GAK: variants seen among roughly 807,000 people sequenced by gnomAD.
GAK encodes the protein cyclin-G-associated kinase.
A neutral mutation model predicts 143.9 loss-of-function variants in GAK; 79 were observed. That is an observed-to-expected ratio of 0.55 (90% confidence interval 0.46 to 0.66). The LOEUF (loss-of-function observed/expected upper bound fraction) is 0.66, where lower values mean the gene tolerates loss of function less well. GAK is among the 30% of genes least tolerant of loss of function. The pLI is 0.00. For missense variants in GAK, 1,693 were observed against 1,779.7 expected (o/e 0.95, Z 0.88); for synonymous variants, 881 against 765.5 (o/e 1.15, Z -2.49).
At position 893,382 on chromosome 4, in the gene GAK, T is replaced by C. The variant is rs1335709215; in HGVS notation, c.985A>G (p.Thr329Ala). The change falls in exon 9 of 28, where the codon ACA (threonine) becomes GCA (alanine). Residue 329 changes from threonine (T) to alanine (A), a missense_variant. This residue lies in a region of GAK where 871 missense variants were observed against 991.0 expected (regional missense o/e 0.88). Transcript: ENST00000314167. ...CTCACGTGTGCCTCCCTCACCTCTG[T>C]GATGGGAGACTTGGGGTTCACGTTG... ...ARNVNPKSPI[T>A]ELLEQNGGYG... 2.8e-5 allele frequency: 44 copies of C among 1,572,276 alleles called. No individual in the cohort carries two copies. Among genetic ancestry groups the C allele is most frequent in the Non-Finnish European group, 3.8e-5 (44 of 1,158,080 alleles).
At position 877,223 on chromosome 4, in the gene GAK, C is replaced by T; in HGVS notation, c.1857-16G>A. The stretch of plus-strand genomic sequence containing the variant: ...CTTAAAGTCCCTAAGGACAGAATGA[C>T]AAGAGAAAAATTTTAAAAACCCCCA... On this transcript the variant is annotated splice_polypyrimidine_tract_variant and intron_variant, in intron 16 of 27. Coordinates refer to ENST00000314167, the MANE Select transcript of GAK (RefSeq NM_005255.4). 1 of 1,579,164 alleles carries T rather than the reference C, an allele frequency of 6.3e-7. No homozygotes were observed.
rs540133162 is a variant in GAK, at chr4:904,092, A to C, written c.525+545T>G. Among the ~76,000 whole-genome samples, 51 of 152,380 alleles carry C rather than the reference A, an allele frequency of 3.3e-4. 1 individual carries two copies. The highest frequency in any genetic ancestry group is 1.8e-3 in the Admixed American group (28 of 15,306). The stretch of plus-strand genomic sequence containing the variant: ...CATCCTAACTGAGCGGGAGCCCCCC[A>C]CAGAGGCTGTGAACCGCGTGTGGAG... On this transcript the variant is annotated intron_variant, in intron 5 of 27. Coordinates refer to ENST00000314167, the MANE Select transcript of GAK (RefSeq NM_005255.4).
chr4:855,716 C>T (rs1456677925), intron 24 of GAK, among the ~76,000 whole-genome samples: 1 of 152,150 alleles, frequency 6.6e-6, no homozygotes, highest in Non-Finnish European at 1.5e-5. Flanking sequence ...TACCTGTAAT[C>T]CCAGCACTTT....
chr4:856,139 C>A (rs1749079200), intron 24 of GAK, among the ~76,000 whole-genome samples: 1 of 151,958 alleles, frequency 6.6e-6, no homozygotes, highest in Non-Finnish European at 1.5e-5. Flanking sequence ...CACCTGCTCA[C>A]CACAGCTGCT....
Position 851,916 on chromosome 4 carries a change from T to A in GAK, c.3342A>T (p.Lys1114Asn). The change falls in exon 25 of 28, where the codon AAA becomes AAT. Residue 1114 changes from lysine to asparagine, a missense_variant. Around this residue, in one of 2 missense-constraint regions of GAK, gnomAD observed 822 missense variants for 788.7 expected, o/e 1.04. Coordinates refer to ENST00000314167, the MANE Select transcript of GAK (RefSeq NM_005255.4). Reference sequence around the variant, plus strand: ...GACTTGTCTGCCAGGAGCTGCTGCCTTTGGGCGTGGTGGCCGTTTTGGGAA... The same window carrying A: ...GACTTGTCTGCCAGGAGCTGCTGCCATTGGGCGTGGTGGCCGTTTTGGGAA... ...GFIPKTATTP[K>N]GSSSWQTSRP... is the part of the protein sequence containing the mutation. 2.8e-5 allele frequency: 45 copies of A among 1,613,446 alleles called. No homozygotes were observed. The highest frequency in any genetic ancestry group is 3.8e-5 in the Non-Finnish European group (45 of 1,179,540).
rs770323760 is a variant in GAK at position 867,337 on chromosome 4, C to T, written c.2491G>A (p.Glu831Lys). 3 of 1,608,628 alleles carry T rather than the reference C, an allele frequency of 1.9e-6. No homozygotes were observed. The highest frequency in any genetic ancestry group is 1.7e-4 in the Middle Eastern group (1 of 6,036). ...TCGCTGGAGATCGGGGATCCCCCTT[C>T]ATCTGACACCTCACTCTCGTCTCTG... ...EDRDESEVSDEGGSPISSEGQ... is the reference protein window; with the variant it reads ...EDRDESEVSDKGGSPISSEGQ... Residue 831 changes from glutamate to lysine, a missense_variant, in exon 21 of 28, where the codon GAA becomes AAA. Physicochemically the swap from Glu to Lys is moderately conservative, Grantham distance 56. Transcript: ENST00000314167.
At chr4:914,469 C>T (rs1302833474) in intron 1 of GAK, among the ~76,000 whole-genome samples, 1 of 95,440 alleles carries the variant, frequency 1.0e-5, no homozygotes, top group Non-Finnish European at 2.0e-5. Flanking sequence ...CCAGTGTGCA[C>T]GGCCCCACAC....
At chr4:850,552 G>A in intron 26 of GAK, 1 of 192,842 alleles carries the variant, frequency 5.2e-6, no homozygotes, top group Admixed American at 5.4e-5. Flanking sequence ...GTCCTGGGTT[G>A]GGAGGCTCAG....
intron 15 of GAK, among the ~76,000 whole-genome samples, chr4:880,675 C>G (rs1043762161): frequency 5.3e-5 from 8 of 152,184 alleles, no homozygotes; most frequent in Non-Finnish European, 1.2e-4. Context: ...CCACCCCAGA[C>G]AGCACACACA....
intron 1 of GAK, among the ~76,000 whole-genome samples, chr4:923,602 G>C (rs1724229560): frequency 6.6e-6 from 1 of 152,238 alleles, no homozygotes; most frequent in South Asian, 2.1e-4. Flanking sequence ...TTGAGTCCGG[G>C]AGTTCAAGAC....
rs768087661 is a variant in GAK at position 882,013 on chromosome 4, C to T, written c.1555G>A (p.Val519Ile). 8 of 1,606,630 alleles carry T rather than the reference C, an allele frequency of 5.0e-6. No individual in the cohort carries two copies. Among genetic ancestry groups the T allele is most frequent in the Non-Finnish European group, 5.9e-6 (7 of 1,177,066 alleles). Residue 519 changes from valine to isoleucine, a missense_variant, in exon 15 of 28, where the codon GTC becomes ATC. Coordinates refer to ENST00000314167, the MANE Select transcript of GAK (RefSeq NM_005255.4). ...MDGRAASAVA[V>I]CSFLCFCRLF... ...CGGCAGAAGCACAGGAAGGAGCAGA[C>T]GGCCACAGCAGACGCGGCTCTCCCG...
chr4:857,659 C>T (rs1270392117), intron 24 of GAK, among the ~76,000 whole-genome samples: 4 of 152,304 alleles, frequency 2.6e-5, no homozygotes, highest in African/African-American at 9.6e-5. Flanking sequence ...TGCACCATCC[C>T]CCATATCGAT....
intron 11 of GAK, 116 bp downstream of exon 11, chr4:888,730 AG>A: frequency 1.6e-6 from 2 of 1,275,176 alleles, no homozygotes. Flanking sequence ...CCACTGCCTC[AG>A]GGGCCCCTGT....
Position 883,466 on chromosome 4 carries a change from G to A in GAK, c.1256-3C>T, listed in dbSNP as rs201737734. On this transcript the variant is annotated splice_region_variant and splice_polypyrimidine_tract_variant and intron_variant, in intron 12 of 27. Coordinates refer to ENST00000314167, the MANE Select transcript of GAK (RefSeq NM_005255.4). ...ACCTTCTGCTGGGAATGACATCACT[G>A]AAACAAGCAGACCTGCGTCAGCACC... is the stretch of plus-strand genomic sequence containing the variant. 1.2e-6 allele frequency: 2 copies of A among 1,613,170 alleles called. No homozygotes were observed. Among genetic ancestry groups the A allele is most frequent in the East Asian group, 2.2e-5 (1 of 44,866 alleles).
intron 1 of GAK, among the ~76,000 whole-genome samples, chr4:916,324 T>C (rs918094089): frequency 6.6e-6 from 1 of 152,188 alleles, no homozygotes. Flanking sequence ...AGTGGCACTA[T>C]CACAACCCAC....
chr4:912,085 T>C (rs751117401), intron 3 of GAK: 1 of 472,258 alleles, frequency 2.1e-6, no homozygotes, highest in Admixed American at 2.3e-5. Context: ...GGCAGGGCCC[T>C]CAGGGGGCTG....
At position 926,936 on chromosome 4, in the gene GAK, G is replaced by A. The variant is rs1255211749; in HGVS notation, c.145+5107C>T. Among the ~76,000 whole-genome samples, 100 of 31,930 alleles carry A rather than the reference G, an allele frequency of 3.1e-3. 24 individuals are homozygous for A. Among genetic ancestry groups the A allele is most frequent in the South Asian group, 0.015 (5 of 344 alleles). 20.9% of individuals were successfully genotyped at this position (31,930 alleles called of 152,430 possible). A position where few individuals can be genotyped will look rare whatever the true frequency, so the allele number is the denominator to read the frequency against. On this transcript the variant is annotated intron_variant, in intron 1 of 27. Coordinates refer to ENST00000314167, the MANE Select transcript of GAK (RefSeq NM_005255.4). Reference sequence around the variant, plus strand: ...CCCGCACCCCTCCCGGCTCACCAGCGCTCCGCACTGCCCCGCACCCCTCCC... The same window carrying A: ...CCCGCACCCCTCCCGGCTCACCAGCACTCCGCACTGCCCCGCACCCCTCCC...
chr4:868,409 C>T, intron 20 of GAK, 130 bp downstream of exon 20: 5 of 803,922 alleles, frequency 6.2e-6, no homozygotes, highest in Non-Finnish European at 9.6e-6. Flanking sequence ...ATGCCGGGTG[C>T]ACAGCCCCAC....
chr4:882,944 A>C (rs1488961923), intron 13 of GAK, 125 bp from the exon 14 acceptor site: 1 of 1,248,198 alleles, frequency 8.0e-7, no homozygotes, highest in Non-Finnish European at 1.1e-6. Flanking sequence ...ACAGGCGTCC[A>C]CCTGCGCGAG....
Sources: gnomAD v4.1 joint callset for allele counts (sites outside exome capture counted in the v4.1 genomes callset) on GRCh38, gnomAD v4.1.1 for gene constraint, gnomAD v4.1.1 regional missense constraint, MANE v1.5 for transcripts, NCBI Gene and HGNC (gene_info 2026-07-23, HGNC 2026-07-21) for gene names.